Variants in SDK1 observed in about 807,000 individuals in gnomAD.
SDK1 encodes protein sidekick-1.
SDK1 carries 157 observed loss-of-function variants against 245.5 expected under a neutral mutation model. The ratio of observed to expected loss-of-function variants is 0.64; its 90% CI spans 0.56 to 0.73. The LOEUF is 0.73. SDK1 is among the 30% of genes least tolerant of loss of function. The pLI, the probability that SDK1 is intolerant of heterozygous loss-of-function variation, is 0.00. For missense variants in SDK1, 3,583 were observed against 3,002.3 expected, an observed-to-expected ratio of 1.19 and a Z score of -4.52; for synonymous variants, 1,647 against 1,278.5, an observed-to-expected ratio of 1.29 and a Z score of -6.15.
chr7:3,796,989 TTTTC>T lies in SDK1; in HGVS notation c.714-24441_714-24438del, dbSNP rs34025744. ...ATATTTTCTTTTTTTTTCCTTTTCT[TTTTC>T]TTTCTTTCTTTCTTTCTTTTTTTTC... On this transcript the variant is annotated intron_variant, in intron 4 of 44. Transcript: ENST00000404826. Among the ~76,000 whole-genome samples the T allele has an allele frequency of 4.6e-3, 695 of 151,954 alleles. 8 individuals are homozygous for T. The highest frequency in any genetic ancestry group is 0.015 in the African/African-American group (632 of 41,448).
rs374885735 is a variant in SDK1, at chr7:3,803,494, A to G, written c.714-17956A>G. 1.5e-4 allele frequency among the ~76,000 whole-genome samples: 23 copies of G among 151,704 alleles called. No individual in the cohort carries two copies. In the East Asian group the frequency reaches 3.7e-3, roughly 24 times the overall value. On this transcript the variant is annotated intron_variant, in intron 4 of 44. Coordinates refer to ENST00000404826, the MANE Select transcript of SDK1 (RefSeq NM_152744.4). Reference sequence around the variant, plus strand: ...CCTGATTAATTTTTGTATTTTTAGTAGAGAAGGGGTTTCACCATGTGGACC... The same window carrying G: ...CCTGATTAATTTTTGTATTTTTAGTGGAGAAGGGGTTTCACCATGTGGACC...
chr7:3,743,276 T>A (rs1167761701), intron 4 of SDK1, among the ~76,000 whole-genome samples: 1 of 152,156 alleles, frequency 6.6e-6, no homozygotes, highest in Non-Finnish European at 1.5e-5. Flanking sequence ...GAATTTGGAG[T>A]TAGAAGAAGT....
Position 3,950,982 on chromosome 7 carries a change from A to G in SDK1, c.907A>G (p.Ser303Gly). The change falls in exon 6 of 45, where the codon AGT becomes GGT. Residue 303 changes from serine to glycine, a missense_variant. Coordinates refer to ENST00000404826, the MANE Select transcript of SDK1 (RefSeq NM_152744.4). ...PTIVVPPGNRSVVAGSSETTL... is the reference protein window; with the variant it reads ...PTIVVPPGNRGVVAGSSETTL... ...CATTGTGGTTCCCCCGGGCAACAGA[A>G]GTGTGGTGGCTGGATCCAGTGAGAC... is the stretch of plus-strand genomic sequence containing the variant. The G allele has an allele frequency of 6.2e-7, 1 of 1,614,064 alleles. No individual in the cohort carries two copies. Among genetic ancestry groups the G allele is most frequent in the Non-Finnish European group, 8.5e-7 (1 of 1,179,992 alleles).
At chr7:3,687,744 T>C (rs375502752) in intron 4 of SDK1, among the ~76,000 whole-genome samples, 2 of 152,168 alleles carry the variant, frequency 1.3e-5, no homozygotes, top group African/African-American at 4.8e-5. Flanking sequence ...TAGAGCTGGA[T>C]GCGATCATCA....
At chr7:4,182,514 G>A (rs1026453651) in intron 35 of SDK1, among the ~76,000 whole-genome samples, 1 of 152,200 alleles carries the variant, frequency 6.6e-6, no homozygotes, top group Non-Finnish European at 1.5e-5. Flanking sequence ...CCAGGGACGT[G>A]TCCTGGAGAC....
At chr7:3,881,390 A>G (rs773445743) in intron 5 of SDK1, among the ~76,000 whole-genome samples, 1 of 151,854 alleles carries the variant, frequency 6.6e-6, no homozygotes, top group African/African-American at 2.4e-5. Flanking sequence ...TTCTGAATAT[A>G]ACGTCTTCCA....
At chr7:4,072,808 G>C (rs1780343456) in intron 20 of SDK1, among the ~76,000 whole-genome samples, 1 of 152,166 alleles carries the variant, frequency 6.6e-6, no homozygotes, top group Non-Finnish European at 1.5e-5. Flanking sequence ...TGGAAACGTA[G>C]GTTTATTAGC....
chr7:4,227,331 C>T (rs80155066), intron 40 of SDK1: 78,415 of 467,258 alleles, frequency 0.17, 7,060 homozygotes, highest in Middle Eastern at 0.21. Flanking sequence ...GCTTCCCACC[C>T]CTTCCTGGGA....
chr7:3,702,291 C>G (rs1030451610), intron 4 of SDK1, among the ~76,000 whole-genome samples: 1 of 152,182 alleles, frequency 6.6e-6, no homozygotes, highest in Non-Finnish European at 1.5e-5. Flanking sequence ...TTAAAAAAAT[C>G]TAATGCTAAA....
intron 5 of SDK1, among the ~76,000 whole-genome samples, chr7:3,823,140 G>A (rs979949594): frequency 8.0e-4 from 122 of 152,158 alleles, no homozygotes; most frequent in African/African-American, 2.8e-3. Context: ...GTACTGTGAC[G>A]TAAAGGAGTG....
intron 1 of SDK1, among the ~76,000 whole-genome samples, chr7:3,444,541 A>G (rs956739799): frequency 6.6e-6 from 1 of 152,172 alleles, no homozygotes; most frequent in African/African-American, 2.4e-5. Context: ...AGAGAACTCT[A>G]GTTTTTCAAA....
intron 4 of SDK1, among the ~76,000 whole-genome samples, chr7:3,740,465 C>A (rs1024433130): frequency 2.0e-5 from 3 of 152,124 alleles, no homozygotes; most frequent in African/African-American, 7.2e-5. Context: ...ATTGTTTGCC[C>A]TAGGGATAGG....
At chr7:3,361,403 C>G (rs1373171066) in intron 1 of SDK1, among the ~76,000 whole-genome samples, 11 of 152,164 alleles carry the variant, frequency 7.2e-5, no homozygotes, top group African/African-American at 2.7e-4. Flanking sequence ...CTTCTGGTAA[C>G]TGTGGTTCTT....
intron 4 of SDK1, among the ~76,000 whole-genome samples, chr7:3,680,199 G>A (rs1205419081): frequency 6.6e-6 from 1 of 152,162 alleles, no homozygotes; most frequent in African/African-American, 2.4e-5. Flanking sequence ...ATCTCAAAAG[G>A]CTTTAGACTG....
At chr7:3,866,670 T>G (rs140529935) in intron 5 of SDK1, among the ~76,000 whole-genome samples, 556 of 152,016 alleles carry the variant, frequency 3.7e-3, no homozygotes, top group Non-Finnish European at 6.5e-3. Context: ...GACCACAGAT[T>G]AATTGAAAAG....
chr7:3,403,035 A>G (rs1418641049), intron 1 of SDK1, among the ~76,000 whole-genome samples: 4 of 152,066 alleles, frequency 2.6e-5, no homozygotes, highest in Non-Finnish European at 4.4e-5. Context: ...CCCGGGTTCA[A>G]GTGATTCTCC....
At chr7:3,745,454 A>T (rs181913100) in intron 4 of SDK1, among the ~76,000 whole-genome samples, 3 of 152,332 alleles carry the variant, frequency 2.0e-5, no homozygotes, top group Non-Finnish European at 4.4e-5. Context: ...ATAAAGACTG[A>T]GAAACTGACA....
intron 1 of SDK1, among the ~76,000 whole-genome samples, chr7:3,511,753 C>A (rs1413791941): frequency 6.6e-6 from 1 of 151,258 alleles, no homozygotes; most frequent in Non-Finnish European, 1.5e-5. Context: ...ACAAAATCAA[C>A]CATTATTTTA....
intron 35 of SDK1, among the ~76,000 whole-genome samples, chr7:4,198,731 C>T (rs1336679659): frequency 6.6e-6 from 1 of 152,118 alleles, no homozygotes; most frequent in Non-Finnish European, 1.5e-5. Context: ...TAGGCAGATC[C>T]AAGTTCATAT....
Sources: gnomAD v4.1 joint callset for allele counts (sites outside exome capture counted in the v4.1 genomes callset) on GRCh38, gnomAD v4.1.1 for gene constraint, MANE v1.5 for transcripts, NCBI Gene and HGNC (gene_info 2026-07-23, HGNC 2026-07-21) for gene names.